PTBP3: variants seen among roughly 807,000 people sequenced by gnomAD.
PTBP3 encodes polypyrimidine tract binding protein 3.
In PTBP3, 20 loss-of-function variants were observed where a neutral mutation model predicts 58.7. The observed-to-expected ratio is 0.34, with a 90% CI of 0.24 to 0.50. The LOEUF is 0.50. PTBP3 is among the 20% of genes least tolerant of loss of function. PTBP3 has a pLI of 0.98. For missense variants in PTBP3, 509 were observed against 637.2 expected (o/e 0.80, Z 2.17); for synonymous variants, 185 against 219.8 (o/e 0.84, Z 1.40).
chr9:112,326,322 A>C (rs1331121775), intron 1 of PTBP3, among the ~76,000 whole-genome samples: 2 of 152,210 alleles, frequency 1.3e-5, no homozygotes, highest in African/African-American at 4.8e-5. Flanking sequence ...AAAGGGCCAG[A>C]GAGTAAGTAT....
At chr9:112,252,855 A>T in intron 5 of PTBP3, 67 bp from the exon 6 acceptor site, 1 of 920,012 alleles carries the variant, frequency 1.1e-6, no homozygotes, top group Non-Finnish European at 1.7e-6. Context: ...CTTTATAAAT[A>T]CAACTTGTTC....
intron 7 of PTBP3, among the ~76,000 whole-genome samples, chr9:112,238,783 C>T (rs1835531669): frequency 6.6e-6 from 1 of 152,040 alleles, no homozygotes; most frequent in African/African-American, 2.4e-5. Context: ...GAAAAAATAC[C>T]TGTCAACCTA....
intron 2 of PTBP3, among the ~76,000 whole-genome samples, chr9:112,287,447 TCTC>T (rs1446312955): frequency 2.7e-5 from 4 of 147,904 alleles, no homozygotes; most frequent in Non-Finnish European, 5.9e-5. Context: ...TTCAAGCAAT[TCTC>T]CTACCTCAGC....
At chr9:112,311,942 A>G (rs1255703875) in intron 1 of PTBP3, among the ~76,000 whole-genome samples, 2 of 152,300 alleles carry the variant, frequency 1.3e-5, no homozygotes, top group East Asian at 3.9e-4. Flanking sequence ...CCTGGGCAAC[A>G]TAGTGAAATC....
intron 4 of PTBP3, among the ~76,000 whole-genome samples, chr9:112,264,176 A>G (rs1000104790): frequency 1.3e-5 from 2 of 152,228 alleles, no homozygotes; most frequent in African/African-American, 4.8e-5. Context: ...GTAAAATTTT[A>G]AAATGCCTGG....
Position 112,222,598 on chromosome 9 carries a change from CA to C in PTBP3, c.*1252del. On this transcript the variant is annotated 3_prime_UTR_variant, in exon 14 of 14. Transcript: ENST00000374257. ...ATTCCCAAAACCATTCACCCTTCCC[CA>C]CACCGTCTCTGCACCAAGCACCAAA... 1 of 985,724 alleles carries C rather than the reference CA, an allele frequency of 1.0e-6. No homozygotes were observed. The highest frequency in any genetic ancestry group is 1.2e-6 in the Non-Finnish European group (1 of 829,904). 61.1% of individuals were successfully genotyped at this position (985,724 alleles called of 1,614,324 possible).
chr9:112,352,821 T>C, the PTBP3 span, among the ~76,000 whole-genome samples: 1 of 152,326 alleles, frequency 6.6e-6, no homozygotes, highest in South Asian at 2.1e-4. Context: ...AATTTCTTTT[T>C]TGGTTCTGGT....
At chr9:112,373,429 T>C in the PTBP3 span, among the ~76,000 whole-genome samples, 1 of 152,210 alleles carries the variant, frequency 6.6e-6, no homozygotes, top group African/African-American at 2.4e-5. Flanking sequence ...GCTGATTAGA[T>C]GGTGCCCACC....
At chr9:112,335,814 A>T (rs1830573101), upstream of PTBP3, among the ~76,000 whole-genome samples, 2 of 147,574 alleles carry the variant, frequency 1.4e-5, no homozygotes, top group South Asian at 4.2e-4. Context: ...AATCCCAGCT[A>T]CTCAGGAGGT....
At chr9:112,289,313 T>C (rs1023757039) in intron 2 of PTBP3, among the ~76,000 whole-genome samples, 6 of 152,192 alleles carry the variant, frequency 3.9e-5, no homozygotes, top group African/African-American at 1.4e-4. Flanking sequence ...AAAATAAATT[T>C]CTGTCTTCTA....
chr9:112,283,092 T>A (rs1289043503), intron 2 of PTBP3, among the ~76,000 whole-genome samples: 2 of 152,240 alleles, frequency 1.3e-5, no homozygotes, highest in Non-Finnish European at 2.9e-5. Context: ...TGTGAAACTA[T>A]GAGTCAATTA....
At chr9:112,330,526 T>C (rs745578429) in intron 1 of PTBP3, 21 of 1,274,694 alleles carry the variant, frequency 1.6e-5, no homozygotes, top group Middle Eastern at 1.9e-4. Context: ...AGAGAACAAG[T>C]TTTTAAAAGA....
chr9:112,300,490 C>T (rs1004787932), intron 1 of PTBP3, among the ~76,000 whole-genome samples: 4 of 152,354 alleles, frequency 2.6e-5, no homozygotes, highest in South Asian at 4.1e-4. Context: ...TGGTGGCTCA[C>T]GCCTGTAATC....
Position 112,232,190 on chromosome 9 carries a change from G to A in PTBP3, c.929C>T (p.Thr310Ile). ...VPGALGPLTI[T>I]SSAVTGRMAI... is the part of the protein sequence containing the mutation. Reference sequence around the variant, plus strand: ...CATCCTTCCAGTGACAGCAGAAGAGGTGATTGTGAGAGGACCAAGAGCTCC... The same window carrying A: ...CATCCTTCCAGTGACAGCAGAAGAGATGATTGTGAGAGGACCAAGAGCTCC... Residue 310 changes from threonine to isoleucine, a missense_variant, in exon 9 of 14, where the codon ACC (threonine) becomes ATC (isoleucine). By Grantham distance (89) the Thr-to-Ile change is moderately conservative (BLOSUM62 -1). Coordinates refer to ENST00000374257, the MANE Select transcript of PTBP3 (RefSeq NM_001163788.4). 6.2e-7 allele frequency: 1 copy of A among 1,611,998 alleles called. No homozygotes were observed. The highest frequency in any genetic ancestry group is 8.5e-7 in the Non-Finnish European group (1 of 1,178,176).
At chr9:112,261,305 G>T (rs1366933194) in intron 5 of PTBP3, among the ~76,000 whole-genome samples, 1 of 152,158 alleles carries the variant, frequency 6.6e-6, no homozygotes, top group Non-Finnish European at 1.5e-5. Context: ...AACCCAGTAC[G>T]CCTACTCAAT....
In PTBP3 at chr9:112,222,618, C is replaced by T. The variant is rs1834843500; in HGVS notation, c.*1233G>A. 1 of 985,730 alleles carries T rather than the reference C, an allele frequency of 1.0e-6. No individual in the cohort carries two copies. The highest frequency in any genetic ancestry group is 4.7e-5 in the South Asian group (1 of 21,272). 61.1% of individuals were successfully genotyped at this position (985,730 alleles called of 1,614,324 possible). ...TTCCCCACACCGTCTCTGCACCAAG[C>T]ACCAAAAATTTGATAAAAACTATTA... On this transcript the variant is annotated 3_prime_UTR_variant, in exon 14 of 14. Coordinates refer to ENST00000374257, the MANE Select transcript of PTBP3 (RefSeq NM_001163788.4).
chr9:112,333,965 TC>T (rs891194321), upstream of PTBP3, among the ~76,000 whole-genome samples: 1 of 150,816 alleles, frequency 6.6e-6, no homozygotes, highest in Admixed American at 6.6e-5. Context: ...CCGCGGGCCT[TC>T]CGGCTTCGCA....
the PTBP3 span, among the ~76,000 whole-genome samples, chr9:112,372,398 T>TA: frequency 6.6e-6 from 1 of 152,126 alleles, no homozygotes; most frequent in Admixed American, 6.5e-5. Flanking sequence ...TTTTTTTGTT[T>TA]AAAAAAACGA....
intron 1 of PTBP3, among the ~76,000 whole-genome samples, chr9:112,307,736 C>T (rs1829283090): frequency 6.6e-6 from 1 of 152,088 alleles, no homozygotes; most frequent in South Asian, 2.1e-4. Flanking sequence ...AAAACAAAGG[C>T]TTTTTTGATA....
Sources: allele counts gnomAD v4.1 joint callset (sites outside exome capture counted in the v4.1 genomes callset), GRCh38; gene constraint gnomAD v4.1.1; transcripts MANE v1.5; gene names NCBI Gene and HGNC (gene_info 2026-07-23, HGNC 2026-07-21).